Variants in CNTNAP5 observed in about 807,000 individuals in gnomAD.
CNTNAP5 encodes contactin-associated protein-like 5.
In CNTNAP5, 72 loss-of-function variants were observed where a neutral mutation model predicts 150.2. The ratio of observed to expected loss-of-function variants is 0.48; its 90% CI spans 0.40 to 0.58. The LOEUF (loss-of-function observed/expected upper bound fraction) is 0.58. CNTNAP5 is among the 20% of genes least tolerant of loss of function. The probability of loss-of-function intolerance (pLI) is 0.00; values close to 1 mark genes in which losing one functional copy is unlikely to be tolerated. For missense variants in CNTNAP5, 1,636 were observed against 1,626.2 expected, an observed-to-expected ratio of 1.01 and a Z score of -0.10; for synonymous variants, 672 against 619.8, an observed-to-expected ratio of 1.08 and a Z score of -1.25.
chr2:124,670,296 GT>G (rs1678795113), intron 13 of CNTNAP5, among the ~76,000 whole-genome samples: 1 of 149,560 alleles, frequency 6.7e-6, no homozygotes, highest in East Asian at 2.0e-4. Context: ...TGTCATTGTG[GT>G]TTTGATTTTC....
intron 1 of CNTNAP5, among the ~76,000 whole-genome samples, chr2:124,083,310 C>T (rs1471919608): frequency 2.0e-5 from 3 of 152,162 alleles, no homozygotes; most frequent in Admixed American, 6.5e-5. Context: ...TGAGACTGTG[C>T]CACTGCACTC....
intron 3 of CNTNAP5, among the ~76,000 whole-genome samples, chr2:124,349,763 C>G (rs1689826799): frequency 6.6e-6 from 1 of 151,880 alleles, no homozygotes; most frequent in African/African-American, 2.4e-5. Flanking sequence ...TCATGCAAAC[C>G]ATAGGATCAG....
intron 1 of CNTNAP5, among the ~76,000 whole-genome samples, chr2:124,041,757 C>G (rs570415499): frequency 1.3e-5 from 2 of 152,084 alleles, no homozygotes; most frequent in Non-Finnish European, 2.9e-5. Context: ...CTTTTGTCTC[C>G]CACAACAGAT....
At chr2:124,506,752 T>C (rs1363631765) in intron 8 of CNTNAP5, among the ~76,000 whole-genome samples, 1 of 152,238 alleles carries the variant, frequency 6.6e-6, no homozygotes, top group Non-Finnish European at 1.5e-5. Flanking sequence ...TTTTTTATTA[T>C]GTCTCAGTTT....
At chr2:124,785,817 T>C (rs1681554742) in intron 17 of CNTNAP5, among the ~76,000 whole-genome samples, 1 of 152,168 alleles carries the variant, frequency 6.6e-6, no homozygotes, top group Non-Finnish European at 1.5e-5. Context: ...ATTTTCAAAT[T>C]TGCATTAATT....
intron 13 of CNTNAP5, among the ~76,000 whole-genome samples, chr2:124,683,923 A>C (rs1225469189): frequency 6.6e-6 from 1 of 152,208 alleles, no homozygotes; most frequent in African/African-American, 2.4e-5. Context: ...GGAGGTAGTA[A>C]TTTGTGAAAT....
chr2:124,756,946 A>T (rs934668526), intron 14 of CNTNAP5, among the ~76,000 whole-genome samples: 1 of 152,210 alleles, frequency 6.6e-6, no homozygotes, highest in Non-Finnish European at 1.5e-5. Context: ...TAAAAAGAAA[A>T]GAAACTAAAG....
chr2:124,219,997 C>T (rs192494779), intron 1 of CNTNAP5, among the ~76,000 whole-genome samples: 139 of 152,140 alleles, frequency 9.1e-4, no homozygotes, highest in African/African-American at 3.3e-3. Flanking sequence ...TTGGGAAAAA[C>T]TCAAAATACA....
chr2:124,656,992 A>G (rs1678473436), intron 13 of CNTNAP5, among the ~76,000 whole-genome samples: 1 of 152,222 alleles, frequency 6.6e-6, no homozygotes, highest in Non-Finnish European at 1.5e-5. Flanking sequence ...ACATTTAATG[A>G]GACAGATGCC....
At chr2:124,814,776 T>C (rs1487650315) in intron 19 of CNTNAP5, among the ~76,000 whole-genome samples, 1 of 151,750 alleles carries the variant, frequency 6.6e-6, no homozygotes, top group African/African-American at 2.4e-5. Context: ...ATAATAAAAA[T>C]GGATTGCACT....
intron 10 of CNTNAP5, among the ~76,000 whole-genome samples, chr2:124,550,521 C>A (rs997114684): frequency 6.6e-6 from 1 of 152,130 alleles, no homozygotes; most frequent in African/African-American, 2.4e-5. Context: ...ACTGTCTGTG[C>A]GTTTCCTGAT....
At chr2:124,388,109 C>T (rs1027270502) in intron 3 of CNTNAP5, among the ~76,000 whole-genome samples, 2 of 152,138 alleles carry the variant, frequency 1.3e-5, no homozygotes, top group African/African-American at 4.8e-5. Context: ...AGAATTTGTC[C>T]TCCAACTCTG....
intron 1 of CNTNAP5, among the ~76,000 whole-genome samples, chr2:124,155,324 C>T (rs1051322705): frequency 1.3e-5 from 2 of 152,110 alleles, no homozygotes; most frequent in Admixed American, 1.3e-4. Context: ...TGCTCTTCAA[C>T]CTCCTGTAAT....
intron 1 of CNTNAP5, among the ~76,000 whole-genome samples, chr2:124,042,193 G>A (rs527237494): frequency 6.6e-6 from 1 of 152,188 alleles, no homozygotes; most frequent in South Asian, 2.1e-4. Flanking sequence ...TTTTCTTCCA[G>A]CATTTAGACT....
chr2:124,502,761 C>A (rs1217552699), intron 7 of CNTNAP5, among the ~76,000 whole-genome samples: 1 of 152,046 alleles, frequency 6.6e-6, no homozygotes, highest in East Asian at 1.9e-4. Flanking sequence ...CTGTGAGATA[C>A]CAAGAGCAAG....
At chr2:124,544,807 G>A (rs1695475407) in intron 10 of CNTNAP5, among the ~76,000 whole-genome samples, 1 of 152,184 alleles carries the variant, frequency 6.6e-6, no homozygotes, top group African/African-American at 2.4e-5. Flanking sequence ...TAAGTATAAA[G>A]ATTGGGTTTG....
intron 3 of CNTNAP5, among the ~76,000 whole-genome samples, chr2:124,389,610 T>C (rs1691057611): frequency 6.6e-6 from 1 of 152,222 alleles, no homozygotes; most frequent in African/African-American, 2.4e-5. Flanking sequence ...ATGTCTGCCT[T>C]CCACAAGTAG....
chr2:124,869,568 G>T lies in CNTNAP5; in HGVS notation c.3349-107G>T, dbSNP rs952839643. The stretch of plus-strand genomic sequence containing the variant: ...TCCTGAGAGAAAATCTCAGAGGGGG[G>T]TCTGCTATCTGTATGCATTTTTTCA... On this transcript the variant is annotated intron_variant, in intron 20 of 23. Transcript: ENST00000682447. The T allele has an allele frequency of 7.3e-6, 5 of 680,658 alleles. 1 individual carries two copies. The highest frequency in any genetic ancestry group is 3.5e-5 in the South Asian group (2 of 57,354). The allele number at this position is 680,658 out of a possible 1,614,324, so 42.2% of individuals were successfully genotyped here.
chr2:124,581,465 C>T (rs1382393505), intron 11 of CNTNAP5, among the ~76,000 whole-genome samples: 1 of 152,106 alleles, frequency 6.6e-6, no homozygotes, highest in Non-Finnish European at 1.5e-5. Context: ...AATCAAAGCT[C>T]TTTCATTTTC....
Sources: gnomAD v4.1 joint callset for allele counts (sites outside exome capture counted in the v4.1 genomes callset) on GRCh38, gnomAD v4.1.1 for gene constraint, MANE v1.5 for transcripts, NCBI Gene and HGNC (gene_info 2026-07-23, HGNC 2026-07-21) for gene names.